Variants in BBS9 observed in about 807,000 individuals in gnomAD.
BBS9 encodes the protein protein PTHB1.
A neutral mutation model predicts 117.7 loss-of-function variants in BBS9; 89 were observed. The observed-to-expected ratio is 0.76, with a 90% CI of 0.64 to 0.90. The LOEUF (loss-of-function observed/expected upper bound fraction) is 0.90, where lower values mean the gene tolerates loss of function less well. BBS9 is among the 40% of genes least tolerant of loss of function. The pLI is 0.00. For synonymous variants in BBS9, 379 were observed against 370.9 expected, an observed-to-expected ratio of 1.02 and a Z score of -0.25; for missense variants, 982 against 1,042.2, an observed-to-expected ratio of 0.94 and a Z score of 0.80.
At chr7:33,380,885 AG>A (rs1350411299) in intron 17 of BBS9, 1 of 152,228 alleles carries the variant, frequency 6.6e-6, no homozygotes, top group African/African-American at 2.4e-5. Context: ...CTAGAAGCCT[AG>A]GGTGTTACCT....
chr7:33,297,914 C>A (rs1805601151), intron 9 of BBS9, among the ~76,000 whole-genome samples: 1 of 152,066 alleles, frequency 6.6e-6, no homozygotes, highest in African/African-American at 2.4e-5. Flanking sequence ...GTTTTTCAGT[C>A]CTCTATGGTT....
intron 19 of BBS9, among the ~76,000 whole-genome samples, chr7:33,454,952 G>A (rs1053341011): frequency 6.6e-6 from 1 of 152,290 alleles, no homozygotes; most frequent in Admixed American, 6.5e-5. Flanking sequence ...TCTTTCTGGT[G>A]TAAGAGCAGT....
At chr7:33,306,355 T>C (rs955730017) in intron 9 of BBS9, among the ~76,000 whole-genome samples, 4 of 152,104 alleles carry the variant, frequency 2.6e-5, no homozygotes, top group African/African-American at 9.6e-5. Flanking sequence ...GCCATCATGC[T>C]ACTGAAGGTT....
intron 9 of BBS9, among the ~76,000 whole-genome samples, chr7:33,324,337 A>G (rs1812380234): frequency 1.3e-5 from 2 of 152,220 alleles, no homozygotes; most frequent in South Asian, 4.1e-4. Context: ...TCAAAGAAAC[A>G]AAGAGAAGAC....
intron 19 of BBS9, among the ~76,000 whole-genome samples, chr7:33,401,752 C>A (rs956171269): frequency 4.6e-5 from 7 of 152,054 alleles, no homozygotes; most frequent in African/African-American, 2.4e-5. Flanking sequence ...GAACAGACTG[C>A]AAATGTTTAT....
chr7:33,492,505 T>A (rs1844127922), intron 19 of BBS9, among the ~76,000 whole-genome samples: 1 of 152,178 alleles, frequency 6.6e-6, no homozygotes, highest in Admixed American at 6.5e-5. Context: ...TGTCACAGAT[T>A]TTTTAATGTT....
rs143362049 is a variant in BBS9, at chr7:33,530,072, A to G, written c.2299-3882A>G. Among the ~76,000 whole-genome samples the G allele has an allele frequency of 6.0e-3, 920 of 152,352 alleles. 8 individuals carry two copies. Among genetic ancestry groups the G allele is most frequent in the African/African-American group, 0.02 (821 of 41,582 alleles). On this transcript the variant is annotated intron_variant, in intron 20 of 22. Transcript: ENST00000242067. The stretch of plus-strand genomic sequence containing the variant: ...TTATTTCATATTTCCATAGGTAAGT[A>G]TGCTACATGTTTGATCAGTGAATTA...
chr7:33,623,794 C>T (rs1865519724), intron 21 of BBS9, among the ~76,000 whole-genome samples: 1 of 152,052 alleles, frequency 6.6e-6, no homozygotes, highest in Non-Finnish European at 1.5e-5. Flanking sequence ...TGAAATCAGG[C>T]AAACATAACA....
chr7:33,133,278 C>CA (rs1789913637), intron 1 of BBS9, among the ~76,000 whole-genome samples: 1 of 152,052 alleles, frequency 6.6e-6, no homozygotes, highest in Non-Finnish European at 1.5e-5. Flanking sequence ...ACAATTCACC[C>CA]ATTTAACACA....
chr7:33,556,650 T>C (rs558157667), intron 21 of BBS9, among the ~76,000 whole-genome samples: 1 of 152,288 alleles, frequency 6.6e-6, no homozygotes, highest in Non-Finnish European at 1.5e-5. Context: ...ATATGAGCTA[T>C]TCACATTTGA....
intron 5 of BBS9, among the ~76,000 whole-genome samples, chr7:33,217,508 C>T: frequency 6.6e-6 from 1 of 152,204 alleles, no homozygotes; most frequent in East Asian, 1.9e-4. Context: ...TTTAGCTCCT[C>T]AAACACTACC....
At chr7:33,528,183 T>TA (rs1849957785) in intron 20 of BBS9, among the ~76,000 whole-genome samples, 1 of 152,198 alleles carries the variant, frequency 6.6e-6, no homozygotes, top group Non-Finnish European at 1.5e-5. Context: ...CAGTTTGTTA[T>TA]TAAGATAAAT....
At chr7:33,263,157 T>A (rs529036851) in intron 6 of BBS9, among the ~76,000 whole-genome samples, 1 of 152,312 alleles carries the variant, frequency 6.6e-6, no homozygotes, top group South Asian at 2.1e-4. Context: ...ACCTTCTATG[T>A]CTTGGAAAAT....
At chr7:33,346,131 C>A in intron 12 of BBS9, 1 of 341,554 alleles carries the variant, frequency 2.9e-6, no homozygotes, top group Non-Finnish European at 5.9e-6. Flanking sequence ...ATTGGTGGGA[C>A]TCACACAGCA....
intron 19 of BBS9, among the ~76,000 whole-genome samples, chr7:33,446,745 G>A (rs563210582): frequency 6.6e-6 from 1 of 152,302 alleles, no homozygotes; most frequent in Non-Finnish European, 1.5e-5. Flanking sequence ...GCTATGGAGT[G>A]AGTAGTGAGC....
chr7:33,320,462 A>G (rs904352276), intron 9 of BBS9, among the ~76,000 whole-genome samples: 33 of 152,116 alleles, frequency 2.2e-4, no homozygotes, highest in Admixed American at 3.3e-4. Context: ...TTGTGTATGT[A>G]TAACAACATT....
At chr7:33,625,292 T>G (rs1246988567) in intron 21 of BBS9, among the ~76,000 whole-genome samples, 1 of 152,152 alleles carries the variant, frequency 6.6e-6, no homozygotes, top group Non-Finnish European at 1.5e-5. Context: ...AATAAAATTA[T>G]GAAAATGAGC....
intron 4 of BBS9, among the ~76,000 whole-genome samples, chr7:33,162,229 G>A (rs184066903): frequency 1.8e-4 from 27 of 152,212 alleles, no homozygotes; most frequent in African/African-American, 5.3e-4. Context: ...TTTGTATAAG[G>A]TGTAAGGAAG....
intron 19 of BBS9, among the ~76,000 whole-genome samples, chr7:33,425,170 A>C (rs1368294657): frequency 6.6e-6 from 1 of 152,126 alleles, no homozygotes; most frequent in African/African-American, 2.4e-5. Flanking sequence ...TAAATGGAGA[A>C]GTTCTCCTCC....
Sources: gnomAD v4.1 joint callset for allele counts (sites outside exome capture counted in the v4.1 genomes callset) on GRCh38, gnomAD v4.1.1 for gene constraint, MANE v1.5 for transcripts, NCBI Gene and HGNC (gene_info 2026-07-23, HGNC 2026-07-21) for gene names.